Variants in LDB2 observed in about 807,000 individuals in gnomAD.
LDB2 encodes the protein LIM domain-binding protein 2.
Under a neutral mutation model 44.3 loss-of-function variants are expected in LDB2, and 12 were observed. That is an observed-to-expected ratio of 0.27 (90% CI 0.17 to 0.44). LDB2 has a LOEUF of 0.44. LDB2 is among the 20% of genes least tolerant of loss of function. LDB2 has a pLI of 1.00. For missense variants in LDB2, 344 were observed against 473.5 expected, an observed-to-expected ratio of 0.73 and a Z score of 2.54; for synonymous variants, 164 against 174.8, an observed-to-expected ratio of 0.94 and a Z score of 0.49.
intron 5 of LDB2, among the ~76,000 whole-genome samples, chr4:16,514,093 A>T (rs1388277860): frequency 3.3e-5 from 5 of 152,174 alleles, no homozygotes; most frequent in Non-Finnish European, 4.4e-5. Flanking sequence ...CTATTCAGTT[A>T]TTCCCATTAG....
At chr4:16,578,179 A>G (rs1238255240) in intron 5 of LDB2, among the ~76,000 whole-genome samples, 1 of 152,124 alleles carries the variant, frequency 6.6e-6, no homozygotes, top group Admixed American at 6.5e-5. Context: ...CCAATACCCC[A>G]CAGGCACCCC....
intron 5 of LDB2, among the ~76,000 whole-genome samples, chr4:16,531,186 G>A (rs1044726676): frequency 2.0e-5 from 3 of 152,122 alleles, no homozygotes; most frequent in African/African-American, 7.2e-5. Context: ...TTCCCACTAC[G>A]CTCTACTATT....
rs982236977 is a variant in LDB2, at chr4:16,502,387, C to A, written c.*256G>T. 4.2e-6 allele frequency: 2 copies of A among 476,846 alleles called. No individual in the cohort carries two copies. The highest frequency in any genetic ancestry group is 3.8e-5 in the African/African-American group (2 of 51,974). The allele number at this position is 476,846 out of a possible 1,614,324, so 29.5% of individuals were successfully genotyped here. A position where few individuals can be genotyped will look rare whatever the true frequency, so the allele number is the denominator to read the frequency against. On this transcript the variant is annotated 3_prime_UTR_variant, in exon 8 of 8. Transcript: ENST00000304523. ...CAGAAGATGCGCTAGAGTTTTCTCT[C>A]ATTTTAATTACAATCAGTGCCAGTA...
chr4:16,563,424 ATCAGATTTTTTTTTTT>A (rs1560485177), intron 5 of LDB2, among the ~76,000 whole-genome samples: 43 of 123,820 alleles, frequency 3.5e-4, no homozygotes, highest in African/African-American at 1.3e-3. Flanking sequence ...CTCATCAGTC[ATCAGATTTTTTTTTTT>A]TTTTTTTTTT....
intron 5 of LDB2, among the ~76,000 whole-genome samples, chr4:16,559,667 A>G (rs1288415806): frequency 6.6e-6 from 1 of 152,140 alleles, no homozygotes; most frequent in East Asian, 1.9e-4. Context: ...CGAGACAGAA[A>G]GTCAACAAGG....
At chr4:16,750,906 C>T (rs1765363642) in intron 2 of LDB2, 1 of 152,122 alleles carries the variant, frequency 6.6e-6, no homozygotes, top group Admixed American at 6.5e-5. Context: ...AGTCCCCAAA[C>T]AATAAATTCT....
At chr4:16,893,622 C>G (rs1282146811) in intron 1 of LDB2, among the ~76,000 whole-genome samples, 1 of 151,584 alleles carries the variant, frequency 6.6e-6, no homozygotes, top group Non-Finnish European at 1.5e-5. Context: ...CATATTAAAT[C>G]CTGTGAAACT....
intron 2 of LDB2, among the ~76,000 whole-genome samples, chr4:16,744,960 T>C (rs1234309306): frequency 6.6e-6 from 1 of 152,228 alleles, no homozygotes; most frequent in African/African-American, 2.4e-5. Context: ...GGATTGTATG[T>C]ATGTTACTCA....
chr4:16,827,357 GT>G (rs113400057), intron 1 of LDB2, among the ~76,000 whole-genome samples: 4 of 151,432 alleles, frequency 2.6e-5, no homozygotes, highest in African/African-American at 9.7e-5. Flanking sequence ...AAAGAAATAA[GT>G]GCTAAGATGC....
intron 2 of LDB2, among the ~76,000 whole-genome samples, chr4:16,709,993 C>G (rs1170947923): frequency 6.6e-6 from 1 of 151,934 alleles, no homozygotes; most frequent in African/African-American, 2.4e-5. Context: ...GATTAGGAGC[C>G]CTAAGCCTCT....
intron 5 of LDB2, among the ~76,000 whole-genome samples, chr4:16,568,510 G>C (rs953287986): frequency 2.0e-5 from 3 of 152,160 alleles, no homozygotes; most frequent in Non-Finnish European, 4.4e-5. Context: ...GTGCAGGTAG[G>C]TATTAGCCCA....
intron 1 of LDB2, among the ~76,000 whole-genome samples, chr4:16,820,311 G>T (rs1463889660): frequency 6.6e-6 from 1 of 152,086 alleles, no homozygotes; most frequent in South Asian, 2.1e-4. Context: ...ATTTATTGGG[G>T]ATCTACTTTC....
intron 1 of LDB2, among the ~76,000 whole-genome samples, chr4:16,810,315 C>T (rs927661590): frequency 3.3e-5 from 5 of 152,136 alleles, no homozygotes; most frequent in South Asian, 2.1e-4. Flanking sequence ...ATCCTACCCA[C>T]GGGGGTCCCT....
intron 2 of LDB2, among the ~76,000 whole-genome samples, chr4:16,750,305 C>T (rs1406426084): frequency 6.6e-6 from 1 of 152,292 alleles, no homozygotes; most frequent in Admixed American, 6.5e-5. Flanking sequence ...GGGTCTGTCT[C>T]CCTTGTTATA....
chr4:16,701,295 T>C (rs1431197248), intron 2 of LDB2, among the ~76,000 whole-genome samples: 1 of 152,220 alleles, frequency 6.6e-6, no homozygotes, highest in Non-Finnish European at 1.5e-5. Flanking sequence ...CTTAGTCTAC[T>C]GACCAACCTC....
At chr4:16,506,377 C>T (rs535267169) in intron 7 of LDB2, 20 of 165,628 alleles carry the variant, frequency 1.2e-4, no homozygotes, top group Middle Eastern at 2.7e-3. Flanking sequence ...CATTTCCTAA[C>T]GGTGCCTTGC....
At chr4:16,855,902 T>C in intron 1 of LDB2, among the ~76,000 whole-genome samples, 1 of 152,176 alleles carries the variant, frequency 6.6e-6, no homozygotes, top group East Asian at 1.9e-4. Context: ...GATGGACTAA[T>C]GGATTTTAAT....
intron 2 of LDB2, among the ~76,000 whole-genome samples, chr4:16,689,478 T>A (rs534298751): frequency 2.6e-5 from 4 of 152,366 alleles, no homozygotes; most frequent in African/African-American, 9.6e-5. Flanking sequence ...TTTAACAGCC[T>A]GTGAGCTTTT....
intron 1 of LDB2, among the ~76,000 whole-genome samples, chr4:16,855,103 T>C (rs1789086989): frequency 6.6e-6 from 1 of 152,104 alleles, no homozygotes; most frequent in African/African-American, 2.4e-5. Flanking sequence ...AAAGTAACTG[T>C]TCTCAAGTAC....
Sources: allele counts gnomAD v4.1 joint callset (sites outside exome capture counted in the v4.1 genomes callset), GRCh38; gene constraint gnomAD v4.1.1; transcripts MANE v1.5; gene names NCBI Gene and HGNC (gene_info 2026-07-23, HGNC 2026-07-21).